Variants in TRIM27 observed in about 807,000 individuals in gnomAD.
The protein encoded by TRIM27 is zinc finger protein RFP.
Under a neutral mutation model 57.6 loss-of-function variants are expected in TRIM27, and 12 were observed. That is an observed-to-expected ratio of 0.21 (90% CI 0.13 to 0.34). TRIM27 has a LOEUF of 0.34. Among genes scored for constraint, TRIM27 ranks in the 10% least tolerant of loss-of-function variants. TRIM27 has a pLI of 1.00. For synonymous variants in TRIM27, 266 were observed against 259.0 expected (o/e 1.03, Z -0.26); for missense variants, 403 against 656.8 (o/e 0.61, Z 4.22).
In TRIM27 at chr6:28,923,385, G is replaced by A; in HGVS notation, c.248C>T (p.Thr83Ile). 6.2e-7 allele frequency: 1 copy of A among 1,612,222 alleles called. No homozygotes were observed. The highest frequency in any genetic ancestry group is 8.5e-7 in the Non-Finnish European group (1 of 1,179,668). Residue 83 changes from threonine to isoleucine, a missense_variant, in exon 1 of 8, where the codon ACC becomes ATC. By Grantham distance (89) the Thr-to-Ile change is moderately conservative. Coordinates refer to ENST00000377199, the MANE Select transcript of TRIM27 (RefSeq NM_006510.5). The part of the protein sequence containing the change: ...NVTQLVKQLR[T>I]ERPSGPGGEM... ...GCCGCCGGGCCCCGACGGCCGCTCG[G>A]TGCGCAGCTGCTTTACCAGTTGGGT...
chr6:28,918,077 C>T (rs1389651702), intron 3 of TRIM27, among the ~76,000 whole-genome samples: 1 of 152,120 alleles, frequency 6.6e-6, no homozygotes, highest in African/African-American at 2.4e-5. Flanking sequence ...CTGCCCACCT[C>T]GGCCTCCCAA....
chr6:28,909,211 G>T, intron 4 of TRIM27, 123 bp from the exon 5 acceptor site: 1 of 659,640 alleles, frequency 1.5e-6, no homozygotes, highest in East Asian at 2.7e-5. Flanking sequence ...AGGTTCAAGC[G>T]ATTCTCCTGC....
chr6:28,911,452 A>T (rs1773204874), intron 4 of TRIM27: 2 of 486,924 alleles, frequency 4.1e-6, no homozygotes, highest in Non-Finnish European at 7.2e-6. Context: ...CACCCTCTCC[A>T]TGGAAGTGTC....
intron 6 of TRIM27, chr6:28,908,125 T>A (rs1448242494): frequency 6.2e-6 from 1 of 160,804 alleles, no homozygotes; most frequent in Non-Finnish European, 1.4e-5. Context: ...AGCAGAAAAA[T>A]TTTAATTTGG....
chr6:28,910,123 GAAAAAAA>G (rs9278120), intron 4 of TRIM27, among the ~76,000 whole-genome samples: 42 of 97,602 alleles, frequency 4.3e-4, no homozygotes, highest in African/African-American at 1.1e-3. Context: ...AAAGAAAAAT[GAAAAAAA>G]AAAAAAAAAA....
At chr6:28,910,213 G>C (rs1773095350) in intron 4 of TRIM27, among the ~76,000 whole-genome samples, 1 of 151,622 alleles carries the variant, frequency 6.6e-6, no homozygotes, top group South Asian at 2.1e-4. Flanking sequence ...CAGCTATTGT[G>C]GACTATATGA....
intron 6 of TRIM27, chr6:28,908,570 CTTAT>C: frequency 2.1e-6 from 1 of 484,546 alleles, no homozygotes; most frequent in Non-Finnish European, 3.6e-6. Context: ...TTTTGGATTG[CTTAT>C]TTTTCTCCTC....
chr6:28,909,113 T>A (rs1031505240), intron 4 of TRIM27, 25 bp from the exon 5 acceptor site: 7 of 533,486 alleles, frequency 1.3e-5, no homozygotes, highest in Non-Finnish European at 1.6e-5. Context: ...CATGAGTAAA[T>A]TTTTTTTTTT....
chr6:28,909,686 C>T (rs549580334), intron 4 of TRIM27, among the ~76,000 whole-genome samples: 1 of 152,314 alleles, frequency 6.6e-6, no homozygotes, highest in African/African-American at 2.4e-5. Flanking sequence ...GATTCCATGA[C>T]AGTCCTTGAT....
intron 2 of TRIM27, among the ~76,000 whole-genome samples, chr6:28,921,032 C>T (rs1342350428): frequency 1.3e-5 from 2 of 152,168 alleles, no homozygotes; most frequent in African/African-American, 2.4e-5. Flanking sequence ...TACTGTCCTT[C>T]GTTCTTCACC....
chr6:28,911,562 G>T, intron 4 of TRIM27, 134 bp downstream of exon 4: 3 of 848,220 alleles, frequency 3.5e-6, no homozygotes, highest in South Asian at 3.4e-5. Context: ...GTATACTAGT[G>T]ACTCTCTTCA....
intron 1 of TRIM27, among the ~76,000 whole-genome samples, chr6:28,922,875 G>A (rs1018230271): frequency 2.0e-5 from 3 of 152,312 alleles, no homozygotes; most frequent in East Asian, 1.9e-4. Context: ...GCCGATGGGA[G>A]TAAGAGTGTC....
chr6:28,908,560 T>G (rs906647429), intron 6 of TRIM27: 9 of 480,484 alleles, frequency 1.9e-5, no homozygotes, highest in Admixed American at 7.6e-5. Context: ...ATTGATTAAT[T>G]TTTGGATTGC....
intron 4 of TRIM27, among the ~76,000 whole-genome samples, chr6:28,910,026 C>G (rs1467877368): frequency 6.8e-6 from 1 of 147,396 alleles, no homozygotes; most frequent in Admixed American, 7.0e-5. Flanking sequence ...AATCCCAACA[C>G]TTTTGGAGGC....
At chr6:28,906,270 C>T (rs1772763072) in intron 7 of TRIM27, 1 of 152,084 alleles carries the variant, frequency 6.6e-6, no homozygotes, top group South Asian at 2.1e-4. Flanking sequence ...TATGTATTCT[C>T]TCATTTGCTC....
At chr6:28,910,867 G>A (rs1773152308) in intron 4 of TRIM27, among the ~76,000 whole-genome samples, 1 of 152,022 alleles carries the variant, frequency 6.6e-6, no homozygotes, top group Admixed American at 6.5e-5. Flanking sequence ...GGATCCCTCA[G>A]GAACCTCAAT....
In TRIM27 at chr6:28,904,273, C is replaced by T. The variant is rs1772604900; in HGVS notation, c.1339G>A (p.Val447Ile). The change falls in exon 8 of 8, where the codon GTC (valine) becomes ATC (isoleucine). Residue 447 changes from valine (V) to isoleucine (I), a missense_variant. Physicochemically the swap from Val to Ile is conservative, Grantham distance 29. Transcript: ENST00000377199. The surrounding 1 kb of genome is among the most constrained non-coding windows in gnomAD (Gnocchi z 6.1). ...GIFLDYDAGE[V>I]SFYNVTERCH... ...CTCTCTGTCACGTTGTAGAAGGAGA[C>T]CTCACCAGCATCATAGTCCAAGAAA... The T allele has an allele frequency of 1.2e-6, 2 of 1,613,102 alleles. No homozygotes were observed. The highest frequency in any genetic ancestry group is 1.3e-5 in the African/African-American group (1 of 75,050).
chr6:28,907,212 A>T, intron 7 of TRIM27, 24 bp downstream of exon 7: 1 of 1,603,412 alleles, frequency 6.2e-7, no homozygotes. Flanking sequence ...TTACCCTAAT[A>T]TGGTTTTGTC....
intron 3 of TRIM27, among the ~76,000 whole-genome samples, chr6:28,917,976 G>A (rs1361749107): frequency 6.6e-5 from 10 of 151,860 alleles, no homozygotes; most frequent in African/African-American, 2.2e-4. Context: ...ACAAGCATGT[G>A]CCACCACACC....
Sources: gnomAD v4.1 joint callset for allele counts (sites outside exome capture counted in the v4.1 genomes callset) on GRCh38, gnomAD v4.1.1 for gene constraint, Gnocchi (gnomAD v3.1) non-coding constraint, MANE v1.5 for transcripts, NCBI Gene and HGNC (gene_info 2026-07-23, HGNC 2026-07-21) for gene names.